Variants in KIF5A observed in about 807,000 individuals in gnomAD.
The protein encoded by KIF5A is kinesin family member 5A.
In KIF5A, 35 loss-of-function variants were observed where a neutral mutation model predicts 141.3. The ratio of observed to expected loss-of-function variants is 0.25; its 90% CI spans 0.19 to 0.33. KIF5A has a LOEUF of 0.33. Among genes scored for constraint, KIF5A ranks in the 10% least tolerant of loss-of-function variants. The probability of loss-of-function intolerance (pLI) is 1.00; values close to 1 mark genes in which losing one functional copy is unlikely to be tolerated. For missense variants in KIF5A, 861 were observed against 1,314.3 expected (o/e 0.66, Z 5.33); for synonymous variants, 448 against 500.2 (o/e 0.90, Z 1.39).
intron 1 of KIF5A, among the ~76,000 whole-genome samples, chr12:57,552,370 G>A (rs1017644436): frequency 6.6e-6 from 1 of 152,166 alleles, no homozygotes; most frequent in Non-Finnish European, 1.5e-5. Context: ...AAGATGAATA[G>A]AAGCCCCAGG....
At chr12:57,564,009 C>A (rs993817673) in intron 3 of KIF5A, 99 bp from the exon 4 acceptor site, 3 of 864,506 alleles carry the variant, frequency 3.5e-6, no homozygotes, top group Non-Finnish European at 3.9e-6. Context: ...TTAGGATGTT[C>A]TTCTTATTGA....
chr12:57,560,826 A>C (rs551706793), intron 1 of KIF5A, among the ~76,000 whole-genome samples: 138 of 152,004 alleles, frequency 9.1e-4, no homozygotes, highest in African/African-American at 3.2e-3. Flanking sequence ...ACATGGTGAG[A>C]CTCTGCCTCT....
chr12:57,581,297 A>C, intron 24 of KIF5A, 118 bp from the exon 25 acceptor site: 1 of 1,532,420 alleles, frequency 6.5e-7, no homozygotes, highest in Non-Finnish European at 8.9e-7. Context: ...TCCCCCCAAA[A>C]AGTAAAAAAG....
Position 57,570,023 on chromosome 12 carries a change from A to C in KIF5A, c.1154A>C (p.Glu385Ala), listed in dbSNP as rs757142042. Residue 385 changes from glutamate (E) to alanine (A), a missense_variant, in exon 12 of 29, where the codon GAG becomes GCG. Glu to Ala is a moderately radical substitution (Grantham distance 107). Transcript: ENST00000455537. ...CCTGAGACAGAGCGCCTGGCTGGGG[A>C]GGAGGCAGCCCTGGGAGCCGAGCTC... ...NVPETERLAG[E>A]EAALGAELCE... The C allele has an allele frequency of 6.2e-7, 1 of 1,613,664 alleles. No individual in the cohort carries two copies. Among genetic ancestry groups the C allele is most frequent in the South Asian group, 1.1e-5 (1 of 91,076 alleles).
intron 23 of KIF5A, among the ~76,000 whole-genome samples, chr12:57,580,026 G>A (rs573058779): frequency 6.6e-6 from 1 of 152,280 alleles, no homozygotes; most frequent in African/African-American, 2.4e-5. Context: ...TAACAGCCAG[G>A]ACTATAGCCC....
intron 1 of KIF5A, among the ~76,000 whole-genome samples, chr12:57,562,989 C>T (rs1565695710): frequency 6.6e-6 from 1 of 151,888 alleles, no homozygotes; most frequent in Non-Finnish European, 1.5e-5. Context: ...CTCTTATTCT[C>T]CCACATTTCT....
At chr12:57,582,876 AACGTGGGCATCTGACG>A in intron 27 of KIF5A, 8 of 638,452 alleles carry the variant, frequency 1.3e-5, no homozygotes, top group Non-Finnish European at 2.2e-5. Flanking sequence ...GGACGAAAAC[AACGTGGGCATCTGACG>A]ACTGGGTTTC....
At position 57,583,125 on chromosome 12, in the gene KIF5A, G is replaced by A; in HGVS notation, c.3045G>A (p.Glu1015=). 1.9e-6 allele frequency: 3 copies of A among 1,614,040 alleles called. No individual in the cohort carries two copies. The highest frequency in any genetic ancestry group is 1.7e-6 in the Non-Finnish European group (2 of 1,180,008). The change falls in exon 28 of 29, where the codon GAG becomes GAA. Residue 1015 remains glutamate, a synonymous_variant. Coordinates refer to ENST00000455537, the MANE Select transcript of KIF5A (RefSeq NM_004984.4). The part of the protein sequence containing the change: ...DNRSDLPCGY[E]AEDQAKLFPL... ...GGAGTGACCTGCCGTGTGGCTATGA[G>A]GCTGAGGACCAGGCCAAGCTTTTCC...
chr12:57,556,321 G>A (rs1881741738), intron 1 of KIF5A, among the ~76,000 whole-genome samples: 1 of 151,956 alleles, frequency 6.6e-6, no homozygotes, highest in African/African-American at 2.4e-5. Context: ...TGTATTTTTA[G>A]TGGAGACGGG....
At chr12:57,551,782 G>A (rs567178362) in intron 1 of KIF5A, among the ~76,000 whole-genome samples, 12 of 152,080 alleles carry the variant, frequency 7.9e-5, no homozygotes, top group African/African-American at 2.7e-4. Flanking sequence ...AACATGCTTC[G>A]GGGGAGACCT....
chr12:57,571,435 A>G, intron 13 of KIF5A, 46 bp downstream of exon 13: 1 of 1,602,584 alleles, frequency 6.2e-7, no homozygotes, highest in South Asian at 1.1e-5. Flanking sequence ...GGTTCTGTTC[A>G]TCACTGGAAG....
At chr12:57,571,173 C>T (rs186409784) in intron 12 of KIF5A, 148 bp from the exon 13 acceptor site, 3 of 674,118 alleles carry the variant, frequency 4.5e-6, no homozygotes, top group East Asian at 2.8e-5. Flanking sequence ...TGGCTTCAAC[C>T]GATCTTCCTG....
At chr12:57,580,807 C>T in intron 23 of KIF5A, 149 bp from the exon 24 acceptor site, 3 of 748,582 alleles carry the variant, frequency 4.0e-6, no homozygotes, top group Non-Finnish European at 7.0e-6. Context: ...GCAATGAGGC[C>T]TTTTGAGGAA....
intron 7 of KIF5A, 25 bp downstream of exon 7, chr12:57,567,238 C>G (rs751491322): frequency 1.9e-6 from 3 of 1,558,754 alleles, no homozygotes; most frequent in Non-Finnish European, 2.7e-6. Context: ...AAGGGGATCT[C>G]TCGAGTCTGA....
chr12:57,564,156 C>G lies in KIF5A; in HGVS notation c.340C>G (p.Arg114Gly). 6.2e-7 allele frequency: 1 copy of G among 1,614,014 alleles called. No individual in the cohort carries two copies. The highest frequency in any genetic ancestry group is 8.5e-7 in the Non-Finnish European group (1 of 1,179,958). Residue 114 changes from arginine to glycine, a missense_variant, in exon 4 of 29, where the codon CGA becomes GGA. Physicochemically the swap from Arg to Gly is moderately radical, Grantham distance 125. Around this residue, in one of 5 missense-constraint regions of KIF5A, gnomAD observed 146 missense variants for 353.4 expected, o/e 0.41. Transcript: ENST00000455537. ...QLMGIIPRIA[R>G]DIFNHIYSMD... ...GATGGGAATCATTCCTCGAATTGCC[C>G]GAGACATCTTCAACCACATCTACTC...
intron 17 of KIF5A, 25 bp downstream of exon 17, chr12:57,575,782 C>A: frequency 6.7e-7 from 1 of 1,492,852 alleles, no homozygotes; most frequent in Non-Finnish European, 9.4e-7. Context: ...TACCTCCATC[C>A]CACTGTCCAG....
In KIF5A at chr12:57,564,490, A is replaced by G; in HGVS notation, c.427A>G (p.Ile143Val). The G allele has an allele frequency of 6.2e-7, 1 of 1,612,842 alleles. No individual in the cohort carries two copies. The highest frequency in any genetic ancestry group is 8.5e-7 in the Non-Finnish European group (1 of 1,178,876). ...TTACTTTGAAATTTACCTGGACAAA[A>G]TTCGTGACCTTCTGGATGGTGAGTG... ...VSYFEIYLDKIRDLLDVTKTN... is the reference protein window; with the variant it reads ...VSYFEIYLDKVRDLLDVTKTN... The change falls in exon 5 of 29, where the codon ATT becomes GTT. Residue 143 changes from isoleucine (I) to valine (V), a missense_variant. Around this residue, in one of 5 missense-constraint regions of KIF5A, gnomAD observed 146 missense variants for 353.4 expected, o/e 0.41. Coordinates refer to ENST00000455537, the MANE Select transcript of KIF5A (RefSeq NM_004984.4).
chr12:57,568,703 C>T (rs975052860), intron 8 of KIF5A, among the ~76,000 whole-genome samples: 1 of 147,832 alleles, frequency 6.8e-6, no homozygotes, highest in Non-Finnish European at 1.5e-5. Flanking sequence ...CCAGCCTGCG[C>T]AACAAGAGTG....
Position 57,567,190 on chromosome 12 carries a change from C to A in KIF5A, c.566C>A (p.Ser189Ter). Residue 189 changes from serine to a stop codon, truncating the protein, a stop_gained, in exon 7 of 29, where the codon TCA (serine) becomes TAA (stop). Coordinates refer to ENST00000455537, the MANE Select transcript of KIF5A (RefSeq NM_004984.4). LOFTEE classifies it high-confidence loss of function. ...EILDVIDEGK[S>*]NRHVAVTNMN... ...CTGGATGTGATTGATGAAGGGAAAT[C>A]AAATCGTCATGTGGCTGTCACCAGT... 1 of 1,613,118 alleles carries A rather than the reference C, an allele frequency of 6.2e-7. No individual in the cohort carries two copies. The highest frequency in any genetic ancestry group is 1.1e-5 in the South Asian group (1 of 91,034).
Sources: gnomAD v4.1 joint callset for allele counts (sites outside exome capture counted in the v4.1 genomes callset) on GRCh38, gnomAD v4.1.1 for gene constraint, gnomAD v4.1.1 regional missense constraint, MANE v1.5 for transcripts, NCBI Gene and HGNC (gene_info 2026-07-23, HGNC 2026-07-21) for gene names.